The following CACNB2 variants were observed in gnomAD, a reference collection of about 807,000 sequenced individuals.
CACNB2 encodes voltage-dependent L-type calcium channel subunit beta-2.
In CACNB2, 42 loss-of-function variants were observed where a neutral mutation model predicts 73.3. That is an observed-to-expected ratio of 0.57 (90% CI 0.45 to 0.74). The LOEUF is 0.74. Among genes scored for constraint, CACNB2 ranks in the 30% least tolerant of loss-of-function variants. CACNB2 has a pLI of 0.00. For missense variants in CACNB2, 940 were observed against 853.0 expected (o/e 1.10, Z -1.27); for synonymous variants, 348 against 310.3 (o/e 1.12, Z -1.28).
At chr10:18,237,250 C>A (rs1188521798) in intron 2 of CACNB2, among the ~76,000 whole-genome samples, 1 of 152,102 alleles carries the variant, frequency 6.6e-6, no homozygotes, top group Non-Finnish European at 1.5e-5. Flanking sequence ...TGAATGTAAT[C>A]TTATTTAGAA....
At chr10:18,509,261 G>A (rs1169568353) in intron 6 of CACNB2, among the ~76,000 whole-genome samples, 2 of 152,176 alleles carry the variant, frequency 1.3e-5, no homozygotes, top group South Asian at 4.1e-4. Context: ...CATTTTCATC[G>A]TTTCCAAAGG....
chr10:18,289,829 G>T (rs940292051), intron 2 of CACNB2, among the ~76,000 whole-genome samples: 1 of 151,958 alleles, frequency 6.6e-6, no homozygotes, highest in Non-Finnish European at 1.5e-5. Context: ...GTTTTTTGAG[G>T]AGTCCTGGAA....
intron 3 of CACNB2, among the ~76,000 whole-genome samples, chr10:18,453,833 G>C (rs1184610321): frequency 6.6e-6 from 1 of 152,142 alleles, no homozygotes. Context: ...GTTTCACCCT[G>C]TTGGCCAGAC....
At chr10:18,363,002 T>A (rs144909461) in intron 2 of CACNB2, among the ~76,000 whole-genome samples, 3 of 152,306 alleles carry the variant, frequency 2.0e-5, no homozygotes, top group Admixed American at 2.0e-4. Context: ...CTGGGCTAAT[T>A]GGCTCTACCT....
At chr10:18,535,267 G>C (rs188999902) in intron 11 of CACNB2, among the ~76,000 whole-genome samples, 2 of 152,230 alleles carry the variant, frequency 1.3e-5, no homozygotes, top group East Asian at 3.9e-4. Context: ...CATTTGTTGA[G>C]TTTTAGTGTA....
intron 2 of CACNB2, among the ~76,000 whole-genome samples, chr10:18,324,623 T>A (rs539176483): frequency 6.6e-6 from 1 of 152,358 alleles, no homozygotes; most frequent in South Asian, 2.1e-4. Flanking sequence ...GAGGCCGAAG[T>A]GGGTGGATCT....
chr10:18,417,856 G>A (rs1212814355), intron 3 of CACNB2, among the ~76,000 whole-genome samples: 1 of 151,990 alleles, frequency 6.6e-6, no homozygotes, highest in African/African-American at 2.4e-5. Flanking sequence ...GCAAGGAAGA[G>A]AAAATTGAAG....
In CACNB2 at chr10:18,218,740, G is replaced by A. The variant is rs558977508; in HGVS notation, c.213+67765G>A. Among the ~76,000 whole-genome samples the A allele has an allele frequency of 5.3e-5, 8 of 152,194 alleles. No homozygotes were observed. In the South Asian group the frequency reaches 8.3e-4, roughly 16 times the overall value. On this transcript the variant is annotated intron_variant, in intron 2 of 13. Coordinates refer to ENST00000324631, the MANE Select transcript of CACNB2 (RefSeq NM_201596.3). ...AAAACTTAGCCAGGCATGGTGGCAC[G>A]TGCCTGTAGTCCCAGCTACTTGGGA...
chr10:18,444,112 C>G (rs1263637037), intron 3 of CACNB2, among the ~76,000 whole-genome samples: 1 of 152,096 alleles, frequency 6.6e-6, no homozygotes, highest in Non-Finnish European at 1.5e-5. Context: ...GTTCGTGTCC[C>G]CAGAATTCAA....
intron 2 of CACNB2, among the ~76,000 whole-genome samples, chr10:18,209,701 G>T (rs1369559594): frequency 6.6e-6 from 1 of 151,914 alleles, no homozygotes; most frequent in Non-Finnish European, 1.5e-5. Flanking sequence ...AAGTAGTGCC[G>T]ACAAATTTGC....
At chr10:18,302,938 G>A (rs1484698357) in intron 2 of CACNB2, among the ~76,000 whole-genome samples, 1 of 152,332 alleles carries the variant, frequency 6.6e-6, no homozygotes. Flanking sequence ...GCAGTTTTGT[G>A]TAATCTGTGC....
At chr10:18,246,026 C>T (rs1446510239) in intron 2 of CACNB2, among the ~76,000 whole-genome samples, 1 of 152,088 alleles carries the variant, frequency 6.6e-6, no homozygotes, top group East Asian at 1.9e-4. Context: ...ACTCCTGGAA[C>T]CCGGAGAACA....
chr10:18,345,511 C>CAAA (rs2041411452), intron 2 of CACNB2, among the ~76,000 whole-genome samples: 1 of 152,004 alleles, frequency 6.6e-6, no homozygotes, highest in South Asian at 2.1e-4. Context: ...ACAGGCTTTC[C>CAAA]CTCTCTCACC....
intron 9 of CACNB2, among the ~76,000 whole-genome samples, chr10:18,526,239 C>T (rs2052458276): frequency 6.6e-6 from 1 of 152,066 alleles, no homozygotes; most frequent in South Asian, 2.1e-4. Context: ...CATTCTGACC[C>T]CTGGGGATAT....
chr10:18,325,310 C>G (rs1003181958), intron 2 of CACNB2, among the ~76,000 whole-genome samples: 1 of 152,122 alleles, frequency 6.6e-6, no homozygotes, highest in Middle Eastern at 3.2e-3. Context: ...GTGCCTCAGC[C>G]TCTCAGGTAG....
chr10:18,539,788 A>G lies in CACNB2; in HGVS notation c.*64A>G. 3.3e-6 allele frequency: 5 copies of G among 1,506,882 alleles called. No homozygotes were observed. Among genetic ancestry groups the G allele is most frequent in the Non-Finnish European group, 4.5e-6 (5 of 1,120,794 alleles). The allele number at this position is 1,506,882 out of a possible 1,614,324, so 93.3% of individuals were successfully genotyped here. A position where few individuals can be genotyped will look rare whatever the true frequency, so the allele number is the denominator to read the frequency against. On this transcript the variant is annotated 3_prime_UTR_variant, in exon 14 of 14. Coordinates refer to ENST00000324631, the MANE Select transcript of CACNB2 (RefSeq NM_201596.3). The stretch of plus-strand genomic sequence containing the variant: ...GTCTTGTATAACTAACAGCATCCCC[A>G]AAACAAAGTCTTTGGGGTCTACACT...
At chr10:18,196,264 A>G (rs556263354) in intron 2 of CACNB2, among the ~76,000 whole-genome samples, 27 of 151,700 alleles carry the variant, frequency 1.8e-4, no homozygotes, top group Non-Finnish European at 5.9e-5. Flanking sequence ...CTGTTTAACA[A>G]TACAATGGCA....
chr10:18,464,418 T>TTAAAAAAAAAAAAAAAAAAAAAAAAAAAA (rs1360690647), intron 3 of CACNB2, among the ~76,000 whole-genome samples: 10 of 85,304 alleles, frequency 1.2e-4, no homozygotes, highest in East Asian at 8.1e-4. Context: ...TCTCAAAAAT[T>TTAAAAAAAAAAAAAAAAAAAAAAAAAAAA]AAAAAAAAAA....
chr10:18,382,089 G>A (rs143680080), intron 2 of CACNB2, among the ~76,000 whole-genome samples: 1 of 151,934 alleles, frequency 6.6e-6, no homozygotes, highest in Non-Finnish European at 1.5e-5. Context: ...ATATATGGTG[G>A]ACCTCTGATG....
Sources: allele counts gnomAD v4.1 joint callset (sites outside exome capture counted in the v4.1 genomes callset), GRCh38; gene constraint gnomAD v4.1.1; transcripts MANE v1.5; gene names NCBI Gene and HGNC (gene_info 2026-07-23, HGNC 2026-07-21).